Variants in RFC3 observed in about 807,000 individuals in gnomAD.
The protein encoded by RFC3 is A1 38 kDa subunit.
In RFC3, 41 loss-of-function variants were observed where a neutral mutation model predicts 45.1. The ratio of observed to expected loss-of-function variants is 0.91; its 90% CI spans 0.71 to 1.18. The LOEUF is 1.18. Ranked by LOEUF, RFC3 falls within the 50% of genes most tolerant of loss-of-function variation. RFC3 has a pLI of 0.00. For missense variants in RFC3, 423 were observed against 428.1 expected, an observed-to-expected ratio of 0.99 and a Z score of 0.10; for synonymous variants, 149 against 144.0, an observed-to-expected ratio of 1.03 and a Z score of -0.25.
At chr13:33,901,257 C>G (rs1463325998) in intron 8 of RFC3, among the ~76,000 whole-genome samples, 1 of 151,890 alleles carries the variant, frequency 6.6e-6, no homozygotes, top group African/African-American at 2.4e-5. Context: ...TTATTGCAAC[C>G]CTATTTACAA....
intron 4 of RFC3, among the ~76,000 whole-genome samples, chr13:33,827,741 A>T (rs2139398111): frequency 6.6e-6 from 1 of 152,316 alleles, no homozygotes; most frequent in South Asian, 2.1e-4. Context: ...ATCCATAAAG[A>T]TGTTATTCTG....
At chr13:33,851,573 T>A (rs1263753602) in intron 8 of RFC3, among the ~76,000 whole-genome samples, 3 of 152,174 alleles carry the variant, frequency 2.0e-5, no homozygotes, top group African/African-American at 7.2e-5. Flanking sequence ...GTCTTCATCC[T>A]TTCTGTCTTT....
Position 33,835,203 on chromosome 13 carries a change from G to C in RFC3, c.865G>C (p.Glu289Gln). The change falls in exon 8 of 9, where the codon GAG becomes CAG. Residue 289 changes from glutamate (E) to glutamine (Q), a missense_variant. Transcript: ENST00000380071. Reference protein sequence around the residue: ...YELLTHCIPPEIIMKGLLSEL... With the variant: ...YELLTHCIPPQIIMKGLLSEL... ...GCTTCTAACTCATTGTATTCCTCCTGAGATAATAATGAAGGTAACCCAATT... is the reference window on the plus strand; with the variant it reads ...GCTTCTAACTCATTGTATTCCTCCTCAGATAATAATGAAGGTAACCCAATT... The C allele has an allele frequency of 6.2e-7, 1 of 1,608,688 alleles. No individual in the cohort carries two copies. Among genetic ancestry groups the C allele is most frequent in the Non-Finnish European group, 8.5e-7 (1 of 1,175,308 alleles).
chr13:33,932,016 A>G (rs568111291), intron 8 of RFC3, among the ~76,000 whole-genome samples: 2 of 152,136 alleles, frequency 1.3e-5, no homozygotes, highest in South Asian at 4.1e-4. Context: ...GAGACTATTT[A>G]TATTGCCTTT....
intron 8 of RFC3, among the ~76,000 whole-genome samples, chr13:33,923,687 T>C (rs1414617905): frequency 6.6e-6 from 1 of 152,100 alleles, no homozygotes; most frequent in African/African-American, 2.4e-5. Flanking sequence ...GGCAGGCTGA[T>C]GCAATGACGA....
At chr13:33,872,469 C>T (rs373904449) in intron 8 of RFC3, among the ~76,000 whole-genome samples, 13 of 152,334 alleles carry the variant, frequency 8.5e-5, no homozygotes, top group Admixed American at 3.9e-4. Flanking sequence ...TGCGGTGGCT[C>T]ACGCCTGTAA....
At position 33,836,320 on chromosome 13, in the gene RFC3, A is replaced by T. The variant is rs1303997920; in HGVS notation, c.*25A>T. 6.2e-7 allele frequency: 1 copy of T among 1,609,472 alleles called. No individual in the cohort carries two copies. The highest frequency in any genetic ancestry group is 1.7e-5 in the Admixed American group (1 of 59,882). On this transcript the variant is annotated 3_prime_UTR_variant, in exon 9 of 9. Transcript: ENST00000380071. ...ACTTCTGTCAGTTATTCTTGCAAAGATTTCTCAGTATCAGTATTTACATAC... is the reference window on the plus strand; with the variant it reads ...ACTTCTGTCAGTTATTCTTGCAAAGTTTTCTCAGTATCAGTATTTACATAC...
chr13:33,842,290 G>GA (rs760733297), downstream of RFC3, among the ~76,000 whole-genome samples: 396 of 138,008 alleles, frequency 2.9e-3, no homozygotes, highest in African/African-American at 5.2e-3. Flanking sequence ...CCTGTCTCAG[G>GA]AAAAAAAAAA....
intron 8 of RFC3, among the ~76,000 whole-genome samples, chr13:33,845,853 A>G (rs1303633186): frequency 6.6e-6 from 1 of 152,188 alleles, no homozygotes; most frequent in Non-Finnish European, 1.5e-5. Flanking sequence ...AGATGTATGG[A>G]CATTGAAGAG....
At chr13:33,825,756 C>A in intron 3 of RFC3, 33 bp from the exon 4 acceptor site, 2 of 1,215,552 alleles carry the variant, frequency 1.6e-6, no homozygotes, top group Non-Finnish European at 2.3e-6. Flanking sequence ...ATATTAAGGG[C>A]ATACTATATA....
At chr13:33,852,961 A>G (rs1408492366) in intron 8 of RFC3, among the ~76,000 whole-genome samples, 1 of 152,178 alleles carries the variant, frequency 6.6e-6, no homozygotes, top group African/African-American at 2.4e-5. Context: ...CATTGTAGAG[A>G]AGAGTTTTAC....
chr13:33,953,777 G>A (rs77812019), intron 8 of RFC3, among the ~76,000 whole-genome samples: 4,034 of 152,104 alleles, frequency 0.027, 165 homozygotes, highest in African/African-American at 0.089. Context: ...TCTTTAGTCT[G>A]TTCATTTTTT....
intron 8 of RFC3, among the ~76,000 whole-genome samples, chr13:33,873,217 C>G (rs976144167): frequency 6.6e-6 from 1 of 152,158 alleles, no homozygotes; most frequent in Non-Finnish European, 1.5e-5. Flanking sequence ...AGCCCAGGGA[C>G]AGTCATTGAG....
chr13:33,899,251 T>C (rs1182983704), intron 8 of RFC3, among the ~76,000 whole-genome samples: 2 of 111,650 alleles, frequency 1.8e-5, no homozygotes, highest in Admixed American at 8.8e-5. Context: ...CAGGCCAATA[T>C]CCCTGATGAA....
intron 8 of RFC3, among the ~76,000 whole-genome samples, chr13:33,851,729 CTA>C (rs1337166381): frequency 6.6e-6 from 1 of 152,126 alleles, no homozygotes; most frequent in Non-Finnish European, 1.5e-5. Context: ...TAAACAGTGA[CTA>C]TTTTTTGTGT....
chr13:33,863,183 T>C (rs1046508886), intron 8 of RFC3, among the ~76,000 whole-genome samples: 6 of 152,236 alleles, frequency 3.9e-5, no homozygotes, highest in African/African-American at 1.2e-4. Flanking sequence ...ACAATAGTTA[T>C]AACTGCATCA....
At chr13:33,974,829 C>T in the RFC3 span, among the ~76,000 whole-genome samples, 1 of 152,140 alleles carries the variant, frequency 6.6e-6, no homozygotes, top group Admixed American at 6.6e-5. Context: ...CGAGATATCA[C>T]TATATACCTT....
intron 8 of RFC3, among the ~76,000 whole-genome samples, chr13:33,913,902 A>G (rs781530824): frequency 6.6e-6 from 1 of 152,110 alleles, no homozygotes; most frequent in Non-Finnish European, 1.5e-5. Flanking sequence ...ATAACAGAAG[A>G]CTTCATTATT....
At chr13:33,891,796 A>G (rs1393479413) in intron 8 of RFC3, among the ~76,000 whole-genome samples, 1 of 152,216 alleles carries the variant, frequency 6.6e-6, no homozygotes, top group East Asian at 1.9e-4. Flanking sequence ...ATATAATCAC[A>G]TAAATACATC....
Sources: allele counts gnomAD v4.1 joint callset (sites outside exome capture counted in the v4.1 genomes callset), GRCh38; gene constraint gnomAD v4.1.1; transcripts MANE v1.5; gene names NCBI Gene and HGNC (gene_info 2026-07-23, HGNC 2026-07-21).